Variants in ATP11A observed in about 807,000 individuals in gnomAD.
ATP11A encodes ATPase phospholipid transporting 11A.
A neutral mutation model predicts 154.4 loss-of-function variants in ATP11A; 81 were observed. That is an observed-to-expected ratio of 0.52 (90% CI 0.44 to 0.63). The LOEUF is 0.63. ATP11A is among the 30% of genes least tolerant of loss of function. The pLI, the probability that ATP11A is intolerant of heterozygous loss-of-function variation, is 0.00. For missense variants in ATP11A, 1,316 were observed against 1,474.3 expected, an observed-to-expected ratio of 0.89 and a Z score of 1.76; for synonymous variants, 623 against 585.9, an observed-to-expected ratio of 1.06 and a Z score of -0.91.
At chr13:112,766,118 T>C (rs1395820700) in intron 1 of ATP11A, among the ~76,000 whole-genome samples, 6 of 151,990 alleles carry the variant, frequency 3.9e-5, no homozygotes, top group Non-Finnish European at 7.4e-5. Flanking sequence ...ACGGACTTCT[T>C]ATTCTTCAGA....
intron 17 of ATP11A, 130 bp from the exon 18 acceptor site, chr13:112,850,907 G>A: frequency 2.5e-6 from 2 of 806,848 alleles, no homozygotes; most frequent in Admixed American, 2.4e-5. Context: ...AGTACTGTAA[G>A]TTTTGAAAGG....
At chr13:112,702,561 C>T (rs771424024) in intron 1 of ATP11A, among the ~76,000 whole-genome samples, 1 of 152,196 alleles carries the variant, frequency 6.6e-6, no homozygotes, top group Non-Finnish European at 1.5e-5. Flanking sequence ...GCTTCTTGTC[C>T]CTTCTGTCTG....
intron 5 of ATP11A, among the ~76,000 whole-genome samples, 176 bp downstream of exon 5, chr13:112,810,902 T>TAGCC (rs2078475223): frequency 6.6e-6 from 1 of 152,174 alleles, no homozygotes; most frequent in African/African-American, 2.4e-5. Flanking sequence ...TGCCTGTGAA[T>TAGCC]AGCCACTGCT....
chr13:112,848,824 A>G (rs2079680981), intron 17 of ATP11A, among the ~76,000 whole-genome samples: 1 of 152,150 alleles, frequency 6.6e-6, no homozygotes, highest in Admixed American at 6.5e-5. Flanking sequence ...AGTAACTGGG[A>G]TTATAGGCAT....
chr13:112,768,464 T>C lies in ATP11A; in HGVS notation c.40-16671T>C, dbSNP rs368438876. ...ACTGTCGCCAGCTGAGCCGCCCTGG[T>C]GTCTGGAGTTGTTCTGTGTATGCTG... On this transcript the variant is annotated intron_variant, in intron 1 of 29. Transcript: ENST00000375645. 3.3e-5 allele frequency among the ~76,000 whole-genome samples: 5 copies of C among 152,360 alleles called. No homozygotes were observed. In the South Asian group the frequency reaches 8.3e-4, roughly 25 times the overall value.
intron 1 of ATP11A, among the ~76,000 whole-genome samples, chr13:112,740,079 A>G (rs1261922201): frequency 6.6e-6 from 1 of 151,912 alleles, no homozygotes; most frequent in East Asian, 1.9e-4. Flanking sequence ...TGAACTAAAA[A>G]ACCACTGAAT....
chr13:112,845,682 TACTAACCAGTCCAGTTGCTGGCACTAGC>T, intron 17 of ATP11A, among the ~76,000 whole-genome samples: 1 of 123,200 alleles, frequency 8.1e-6, no homozygotes, highest in African/African-American at 3.9e-5. Flanking sequence ...GCACTAGCGG[TACTAACCAGTCCAGTTGCTGGCACTAGC>T]GGTACTAACC....
chr13:112,711,652 G>GCC (rs907045824), intron 1 of ATP11A, among the ~76,000 whole-genome samples: 5 of 152,202 alleles, frequency 3.3e-5, no homozygotes, highest in African/African-American at 1.2e-4. Flanking sequence ...CGTGCGTTGA[G>GCC]CCAGGGGTCA....
intron 2 of ATP11A, among the ~76,000 whole-genome samples, chr13:112,796,102 G>A (rs527584985): frequency 3.3e-5 from 5 of 152,326 alleles, no homozygotes; most frequent in African/African-American, 1.2e-4. Context: ...GCAATCTGGT[G>A]TTTTTGTTTG....
chr13:112,834,983 C>T (rs544669675), intron 15 of ATP11A, among the ~76,000 whole-genome samples: 16 of 152,362 alleles, frequency 1.1e-4, no homozygotes, highest in South Asian at 8.3e-4. Flanking sequence ...CTGCAGGCCG[C>T]GTTCTGACCT....
intron 10 of ATP11A, among the ~76,000 whole-genome samples, chr13:112,824,683 C>T (rs946888900): frequency 6.6e-6 from 1 of 152,190 alleles, no homozygotes; most frequent in Non-Finnish European, 1.5e-5. Context: ...CGTTCCGGTT[C>T]TGAAATCAGT....
chr13:112,870,444 T>G (rs2080478486), intron 25 of ATP11A, among the ~76,000 whole-genome samples: 1 of 152,190 alleles, frequency 6.6e-6, no homozygotes, highest in Non-Finnish European at 1.5e-5. Context: ...AGTGGCGTGA[T>G]CTCTGCTCAC....
Position 112,878,081 on chromosome 13 carries a change from G to A in ATP11A, c.3328-136G>A, listed in dbSNP as rs543193114. 60 of 800,758 alleles carry A rather than the reference G, an allele frequency of 7.5e-5. 1 individual carries two copies. Among genetic ancestry groups the A allele is most frequent in the South Asian group, 5.0e-4 (32 of 64,114 alleles). The allele number at this position is 800,758 out of a possible 1,614,324, so 49.6% of individuals were successfully genotyped here. ...ACCAGAAGAACTTGCACGTGGTGGC[G>A]AGCCTCTGACTAACTCAGCTCTGTC... On this transcript the variant is annotated intron_variant, in intron 28 of 29. Transcript: ENST00000375645.
intron 24 of ATP11A, among the ~76,000 whole-genome samples, chr13:112,862,211 TGAGA>T (rs1327250985): frequency 6.6e-6 from 1 of 152,238 alleles, no homozygotes; most frequent in Non-Finnish European, 1.5e-5. Context: ...GCAGTGAATA[TGAGA>T]GAGAAAATAT....
Position 112,710,438 on chromosome 13 carries a change from C to A in ATP11A, c.39+19983C>A, listed in dbSNP as rs555459239. On this transcript the variant is annotated intron_variant, in intron 1 of 29. Transcript: ENST00000375645. ...GGGCCGCTCCCCAGAAAACAAGCGC[C>A]CCAGGTTTTCCCTTCTCCTGTACCA... is the stretch of plus-strand genomic sequence containing the variant. Among the ~76,000 whole-genome samples the A allele has an allele frequency of 2.2e-4, 33 of 152,272 alleles. No homozygotes were observed. In the South Asian group the frequency reaches 6.8e-3, roughly 32 times the overall value.
At chr13:112,801,396 C>A (rs2078127836) in intron 2 of ATP11A, among the ~76,000 whole-genome samples, 2 of 151,162 alleles carry the variant, frequency 1.3e-5, no homozygotes, top group African/African-American at 4.9e-5. Context: ...GCAAGAAATC[C>A]CTTATCACTG....
chr13:112,845,625 C>G (rs939763605), intron 17 of ATP11A, among the ~76,000 whole-genome samples: 1 of 123,818 alleles, frequency 8.1e-6, no homozygotes, highest in African/African-American at 3.8e-5. Flanking sequence ...GCGGTACTAA[C>G]CAGTCCAGTT....
Position 112,854,441 on chromosome 13 carries a change from C to T in ATP11A, c.2154C>T (p.Ile718=), listed in dbSNP as rs61741650. The T allele has an allele frequency of 6.8e-4, 1,092 of 1,613,052 alleles. 8 individuals are homozygous for T. In the African/African-American group the frequency reaches 0.013, roughly 19 times the overall value. The part of the protein sequence containing the change: ...TQLLELTTKR[I]EEQSLHDVLF... ...TGCTGGAGCTGACCACCAAGAGGATCGAGGAGCAGAGCCTGCACGACGTCC... is the reference window on the plus strand; with the variant it reads ...TGCTGGAGCTGACCACCAAGAGGATTGAGGAGCAGAGCCTGCACGACGTCC... Residue 718 remains isoleucine (I), a synonymous_variant, in exon 19 of 30, where the codon ATC becomes ATT. Coordinates refer to ENST00000375645, the MANE Select transcript of ATP11A (RefSeq NM_015205.3).
intron 1 of ATP11A, among the ~76,000 whole-genome samples, chr13:112,771,255 G>A (rs978223296): frequency 3.9e-5 from 6 of 152,188 alleles, no homozygotes; most frequent in South Asian, 2.1e-4. Context: ...GTAATCCAGC[G>A]ATTTTCTGAT....
Sources: allele counts gnomAD v4.1 joint callset (sites outside exome capture counted in the v4.1 genomes callset), GRCh38; gene constraint gnomAD v4.1.1; transcripts MANE v1.5; gene names NCBI Gene and HGNC (gene_info 2026-07-23, HGNC 2026-07-21).